The following SLC34A3 variants were observed in gnomAD, a reference collection of about 807,000 sequenced individuals.
SLC34A3 encodes the protein solute carrier family 34 member 3.
A neutral mutation model predicts 43.9 loss-of-function variants in SLC34A3; 60 were observed. That is an observed-to-expected ratio of 1.37 (90% CI 1.11 to 1.70). SLC34A3 has a LOEUF of 1.70. Among genes scored for constraint, SLC34A3 ranks in the 40% most tolerant of loss-of-function variants. The pLI is 0.00. For synonymous variants in SLC34A3, 451 were observed against 386.2 expected (o/e 1.17, Z -1.97); for missense variants, 969 against 823.8 (o/e 1.18, Z -2.16).
rs1037885135 is a variant in SLC34A3 at position 137,232,440 on chromosome 9, G to A, written c.176-135G>A. The A allele has an allele frequency of 1.1e-4, 143 of 1,304,478 alleles. No individual in the cohort carries two copies. In the African/African-American group the frequency reaches 1.8e-3, roughly 16 times the overall value. The allele number at this position is 1,304,478 out of a possible 1,614,324, so 80.8% of individuals were successfully genotyped here. On this transcript the variant is annotated intron_variant, in intron 3 of 12. Transcript: ENST00000673835. Reference sequence around the variant, plus strand: ...GGCAGGAACCCGGGCCCTGCCCTGGGGGTTACGGAAGAGGAGGAAATGGGA... The same window carrying A: ...GGCAGGAACCCGGGCCCTGCCCTGGAGGTTACGGAAGAGGAGGAAATGGGA...
At chr9:137,232,476 T>C (rs957897584) in intron 3 of SLC34A3, 99 bp from the exon 4 acceptor site, 4 of 1,526,372 alleles carry the variant, frequency 2.6e-6, no homozygotes, top group South Asian at 2.3e-5. Flanking sequence ...CCCAGCCCTG[T>C]TGGAGACAGA....
chr9:137,234,624 C>A lies in SLC34A3; in HGVS notation c.1228C>A (p.Leu410Met). ...TCCCCCAGGGGTCGGGGTGATCAGT[C>A]TGGACCGGGCGTACCCCCTCTTACT... is the stretch of plus-strand genomic sequence containing the variant. ...VPLMGVGVIS[L>M]DRAYPLLLGS... Residue 410 changes from leucine to methionine, a missense_variant, in exon 12 of 13, where the codon CTG (leucine) becomes ATG (methionine). Coordinates refer to ENST00000673835, the MANE Select transcript of SLC34A3 (RefSeq NM_001177316.2). The surrounding 1 kb of genome is among the most constrained non-coding windows in gnomAD (Gnocchi z 6.9). 6.2e-7 allele frequency: 1 copy of A among 1,612,482 alleles called. No homozygotes were observed. The highest frequency in any genetic ancestry group is 1.1e-5 in the South Asian group (1 of 91,082).
At chr9:137,233,778 A>T in intron 8 of SLC34A3, 56 bp downstream of exon 8, 11 of 1,484,682 alleles carry the variant, frequency 7.4e-6, no homozygotes, top group East Asian at 4.6e-5. Flanking sequence ...CTGCTGAGTC[A>T]TCCCGCCCCA....
chr9:137,231,627 G>A (rs1183144752), intron 1 of SLC34A3, 37 bp from the exon 2 acceptor site: 2 of 1,287,440 alleles, frequency 1.6e-6, no homozygotes, highest in South Asian at 2.4e-5. Flanking sequence ...GCCGGGGCAG[G>A]AGGAAATGTC....
At position 137,233,951 on chromosome 9, in the gene SLC34A3, G is replaced by A. The variant is rs781750271; in HGVS notation, c.925+10G>A. ...GCGGACAGGCTGCCCTGTGAGGCCC[G>A]GCCCACCCCAAGCCCCCTACACCCC... On this transcript the variant is annotated intron_variant, in intron 9 of 12. Coordinates refer to ENST00000673835, the MANE Select transcript of SLC34A3 (RefSeq NM_001177316.2). The A allele has an allele frequency of 3.0e-5, 46 of 1,537,914 alleles. No individual in the cohort carries two copies. Among genetic ancestry groups the A allele is most frequent in the African/African-American group, 2.5e-4 (18 of 70,996 alleles).
rs761799251 is a variant in SLC34A3, at chr9:137,232,058, T to C, written c.86-14T>C. The C allele has an allele frequency of 1.9e-6, 3 of 1,611,554 alleles. No individual in the cohort carries two copies. The highest frequency in any genetic ancestry group is 2.5e-6 in the Non-Finnish European group (3 of 1,178,622). On this transcript the variant is annotated splice_polypyrimidine_tract_variant and intron_variant, in intron 2 of 12. Transcript: ENST00000673835. ...TGGTCCTGGAAACAGCCGTACTCAA[T>C]TCTACCTCCACAGGGACCTCCAGTT...
intron 7 of SLC34A3, 57 bp from the exon 8 acceptor site, chr9:137,233,576 C>A: frequency 1.9e-6 from 3 of 1,586,350 alleles, no homozygotes; most frequent in Non-Finnish European, 2.6e-6. Flanking sequence ...GCGCCAGAGC[C>A]CCGGGTGAGT....
chr9:137,233,779 T>TTGGGGGGGCCCCCCCCCC, intron 8 of SLC34A3, 57 bp downstream of exon 8: 1 of 1,445,826 alleles, frequency 6.9e-7, no homozygotes, highest in Non-Finnish European at 9.6e-7. Context: ...TGCTGAGTCA[T>TTGGGGGGGCCCCCCCCCC]CCCGCCCCAC....
rs28591989 is a variant in SLC34A3, at chr9:137,236,430, A to T, written c.*14A>T. On this transcript the variant is annotated 3_prime_UTR_variant, in exon 13 of 13. Transcript: ENST00000673835. Reference sequence around the variant, plus strand: ...CAGCAGTTGTGACGGGCAGTTGCTGAGCAGACCGCCCCACCCTCCCCGGCT... The same window carrying T: ...CAGCAGTTGTGACGGGCAGTTGCTGTGCAGACCGCCCCACCCTCCCCGGCT... 2.4e-3 allele frequency: 3,693 copies of T among 1,534,680 alleles called. 6 individuals are homozygous for T. The highest frequency in any genetic ancestry group is 3.0e-3 in the Non-Finnish European group (3,399 of 1,145,404).
intron 12 of SLC34A3, among the ~76,000 whole-genome samples, chr9:137,235,498 C>T (rs895348498): frequency 7.2e-5 from 11 of 152,210 alleles, no homozygotes; most frequent in African/African-American, 2.2e-4. Flanking sequence ...CCAGACTGCA[C>T]CTGTGTGTGG....
Position 137,231,671 on chromosome 9 carries a change from C to T in SLC34A3, c.-32C>T. ...GCGCGTCCCCCCCAGCAGATCTAGA[C>T]CTGGGCCTGGGTCTGTCCCTGCCCG... On this transcript the variant is annotated 5_prime_UTR_variant, in exon 2 of 13. Transcript: ENST00000673835. 3 of 1,590,918 alleles carry T rather than the reference C, an allele frequency of 1.9e-6. No individual in the cohort carries two copies. The highest frequency in any genetic ancestry group is 8.6e-7 in the Non-Finnish European group (1 of 1,160,316).
rs1430146876 is a variant in SLC34A3 at position 137,231,677 on chromosome 9, C to T, written c.-26C>T. On this transcript the variant is annotated 5_prime_UTR_variant, in exon 2 of 13. Coordinates refer to ENST00000673835, the MANE Select transcript of SLC34A3 (RefSeq NM_001177316.2). ...CCCCCCCAGCAGATCTAGACCTGGG[C>T]CTGGGTCTGTCCCTGCCCGAAATCC... is the stretch of plus-strand genomic sequence containing the variant. The T allele has an allele frequency of 6.2e-7, 1 of 1,603,278 alleles. No homozygotes were observed. The highest frequency in any genetic ancestry group is 8.5e-7 in the Non-Finnish European group (1 of 1,171,452).
chr9:137,234,042 T>A lies in SLC34A3; in HGVS notation c.926-67T>A. On this transcript the variant is annotated intron_variant, in intron 9 of 12. Transcript: ENST00000673835. The surrounding 1 kb of genome is among the most constrained non-coding windows in gnomAD (Gnocchi z 6.9). ...CACAGCCCCGGCGGACAGGCTGCCC[T>A]GTGAGGCCCGGCCCACCCCGGCCCA... The A allele has an allele frequency of 7.1e-7, 1 of 1,407,504 alleles. No individual in the cohort carries two copies. The highest frequency in any genetic ancestry group is 9.4e-7 in the Non-Finnish European group (1 of 1,065,352). 87.2% of individuals were successfully genotyped at this position (1,407,504 alleles called of 1,614,324 possible). A position where few individuals can be genotyped will look rare whatever the true frequency, so the allele number is the denominator to read the frequency against.
intron 8 of SLC34A3, 40 bp from the exon 9 acceptor site, chr9:137,233,823 G>C: frequency 2.0e-6 from 3 of 1,481,238 alleles, no homozygotes; most frequent in Non-Finnish European, 2.7e-6. Context: ...ACCTCTGTCT[G>C]CCCACTGAGC....
chr9:137,232,845 G>C lies in SLC34A3; in HGVS notation c.366G>C (p.Leu122=). The change falls in exon 5 of 13, where the codon CTG becomes CTC. Residue 122 remains leucine (L), a synonymous_variant. Coordinates refer to ENST00000673835, the MANE Select transcript of SLC34A3 (RefSeq NM_001177316.2). ...NVVLSNPVAG[L]VIGVLVTALV... ...TGCTGTCCAACCCTGTGGCTGGACT[G>C]GTCATTGGCGTGCTGGTCACAGCCC... 6.2e-7 allele frequency: 1 copy of C among 1,612,906 alleles called. No homozygotes were observed. The highest frequency in any genetic ancestry group is 8.5e-7 in the Non-Finnish European group (1 of 1,179,936).
Position 137,231,804 on chromosome 9 carries a change from T to G in SLC34A3, c.85+17T>G, listed in dbSNP as rs1025578703. Reference sequence around the variant, plus strand: ...GGAATGAAGGTACCAGTGGCCCCTGTGCCCCAGGCCTTCACCAGTCTGACC... The same window carrying G: ...GGAATGAAGGTACCAGTGGCCCCTGGGCCCCAGGCCTTCACCAGTCTGACC... On this transcript the variant is annotated intron_variant, in intron 2 of 12. Coordinates refer to ENST00000673835, the MANE Select transcript of SLC34A3 (RefSeq NM_001177316.2). The G allele has an allele frequency of 6.2e-7, 1 of 1,609,174 alleles. No homozygotes were observed. Among genetic ancestry groups the G allele is most frequent in the Non-Finnish European group, 8.5e-7 (1 of 1,176,440 alleles).
chr9:137,231,414 C>A (rs1288099950), intron 1 of SLC34A3, among the ~76,000 whole-genome samples: 1 of 152,190 alleles, frequency 6.6e-6, no homozygotes, highest in Admixed American at 6.5e-5. Flanking sequence ...AGCAAGGGAG[C>A]CGGGGAGCTG....
intron 8 of SLC34A3, 35 bp from the exon 9 acceptor site, chr9:137,233,828 C>A (rs1315751290): frequency 6.3e-7 from 1 of 1,592,566 alleles, no homozygotes; most frequent in East Asian, 2.3e-5. Flanking sequence ...TGTCTGCCCA[C>A]TGAGCCTGTC....
At position 137,236,247 on chromosome 9, in the gene SLC34A3, T is replaced by G; in HGVS notation, c.1631T>G (p.Val544Gly). The change falls in exon 13 of 13, where the codon GTC becomes GGC. Residue 544 changes from valine to glycine, a missense_variant. Val to Gly is a moderately radical substitution (Grantham distance 109, BLOSUM62 -3). Transcript: ENST00000673835. ...CGGCGCCGGCCGGCCTGGCTGCCTG[T>G]CCGCCTGCGCTCCTGGGCCTGGCTC... The part of the protein sequence containing the change: ...LQRRRPAWLP[V>G]RLRSWAWLPV... 6.5e-7 allele frequency: 1 copy of G among 1,549,602 alleles called. No individual in the cohort carries two copies. Among genetic ancestry groups the G allele is most frequent in the Non-Finnish European group, 8.7e-7 (1 of 1,150,228 alleles).
Sources: gnomAD v4.1 joint callset for allele counts (sites outside exome capture counted in the v4.1 genomes callset) on GRCh38, gnomAD v4.1.1 for gene constraint, Gnocchi (gnomAD v3.1) non-coding constraint, MANE v1.5 for transcripts, NCBI Gene and HGNC (gene_info 2026-07-23, HGNC 2026-07-21) for gene names.